The following MIPEP variants were observed in gnomAD, a reference collection of about 807,000 sequenced individuals.
The protein encoded by MIPEP is mitochondrial intermediate peptidase.
Under a neutral mutation model 90.3 loss-of-function variants are expected in MIPEP, and 79 were observed. The ratio of observed to expected loss-of-function variants is 0.87; its 90% confidence interval spans 0.73 to 1.05. MIPEP has a LOEUF of 1.05. MIPEP is among the 50% of genes least tolerant of loss of function. The pLI is 0.00. For synonymous variants in MIPEP, 334 were observed against 315.8 expected, an observed-to-expected ratio of 1.06 and a Z score of -0.61; for missense variants, 940 against 905.6, an observed-to-expected ratio of 1.04 and a Z score of -0.49.
At chr13:23,883,112 A>C (rs1469090826) in intron 2 of MIPEP, among the ~76,000 whole-genome samples, 1 of 152,070 alleles carries the variant, frequency 6.6e-6, no homozygotes, top group Non-Finnish European at 1.5e-5. Context: ...TTTTTAAGAT[A>C]TTAAAAATTC....
chr13:23,797,915 G>A (rs972333946), intron 16 of MIPEP, among the ~76,000 whole-genome samples: 1 of 152,066 alleles, frequency 6.6e-6, no homozygotes, highest in African/African-American at 2.4e-5. Flanking sequence ...GCTTAATAAC[G>A]AGATGTCTGA....
At chr13:23,864,293 C>T in intron 7 of MIPEP, 104 bp from the exon 8 acceptor site, 2 of 788,960 alleles carry the variant, frequency 2.5e-6, no homozygotes, top group Non-Finnish European at 4.0e-6. Context: ...CCACAATTCC[C>T]TTAAAGTGAT....
intron 16 of MIPEP, among the ~76,000 whole-genome samples, 170 bp downstream of exon 16, chr13:23,805,780 G>T (rs188220942): frequency 2.6e-5 from 4 of 152,236 alleles, no homozygotes; most frequent in Admixed American, 1.3e-4. Context: ...CATATAAATG[G>T]GTAGTTGGAA....
chr13:23,841,579 C>T (rs1186477361), intron 10 of MIPEP, 91 bp from the exon 11 acceptor site: 1 of 1,326,142 alleles, frequency 7.5e-7, no homozygotes, highest in African/African-American at 1.5e-5. Context: ...TACTTAAGAT[C>T]ACTGGAGCTA....
chr13:23,845,540 C>T (rs757989530), intron 10 of MIPEP, among the ~76,000 whole-genome samples: 10 of 152,174 alleles, frequency 6.6e-5, no homozygotes, highest in African/African-American at 1.7e-4. Context: ...TTTTAACTGA[C>T]GGTAAGCTGC....
In MIPEP at chr13:23,751,154, T is replaced by G. The variant is rs76015931; in HGVS notation, c.2044+5391A>C. 3.1e-3 allele frequency among the ~76,000 whole-genome samples: 475 copies of G among 152,334 alleles called. 18 individuals carry two copies. In the East Asian group the frequency reaches 0.082, roughly 26 times the overall value. The stretch of plus-strand genomic sequence containing the variant: ...AGATAGATATCTTCATTGTTTGCAT[T>G]AATCTTCTTGGAGCATGGAGGTGAT... On this transcript the variant is annotated intron_variant, in intron 18 of 18. Coordinates refer to ENST00000382172, the MANE Select transcript of MIPEP (RefSeq NM_005932.4).
chr13:23,791,103 T>A (rs1488857454), intron 16 of MIPEP, among the ~76,000 whole-genome samples: 1 of 152,168 alleles, frequency 6.6e-6, no homozygotes, highest in Non-Finnish European at 1.5e-5. Flanking sequence ...CAGAGCTCCC[T>A]CATGTGCTCA....
At chr13:23,878,084 G>A (rs933630181) in intron 4 of MIPEP, among the ~76,000 whole-genome samples, 2 of 152,190 alleles carry the variant, frequency 1.3e-5, no homozygotes, top group African/African-American at 4.8e-5. Flanking sequence ...ACAGGGGCAT[G>A]TCGATCTTCA....
At chr13:23,773,733 T>G (rs549115293) in intron 16 of MIPEP, among the ~76,000 whole-genome samples, 1 of 152,350 alleles carries the variant, frequency 6.6e-6, no homozygotes, top group East Asian at 1.9e-4. Flanking sequence ...TTTCATGTGC[T>G]AATTTGTCAT....
At chr13:23,871,830 T>C (rs749117171) in intron 5 of MIPEP, among the ~76,000 whole-genome samples, 2 of 152,116 alleles carry the variant, frequency 1.3e-5, no homozygotes, top group Non-Finnish European at 2.9e-5. Context: ...CACCACCTAA[T>C]GGTAACAAGT....
Position 23,751,265 on chromosome 13 carries a change from T to C in MIPEP, c.2044+5280A>G, listed in dbSNP as rs776942722. ...CTAGAAGAGATGATATAGGATAATA[T>C]GGCAAAAGCGAGTGTGTTTGGCAGA... On this transcript the variant is annotated intron_variant, in intron 18 of 18. Transcript: ENST00000382172. 7.0e-4 allele frequency among the ~76,000 whole-genome samples: 106 copies of C among 152,338 alleles called. No individual in the cohort carries two copies. In the Middle Eastern group the frequency reaches 0.01, roughly 15 times the overall value.
intron 13 of MIPEP, among the ~76,000 whole-genome samples, chr13:23,836,591 T>C (rs1186896168): frequency 6.6e-6 from 1 of 152,244 alleles, no homozygotes; most frequent in African/African-American, 2.4e-5. Flanking sequence ...AAACACCTTA[T>C]AAAGCCATGG....
At chr13:23,841,232 C>T in intron 11 of MIPEP, 103 bp downstream of exon 11, 1 of 1,022,328 alleles carries the variant, frequency 9.8e-7, no homozygotes, top group Non-Finnish European at 1.4e-6. Flanking sequence ...AGGGGACACA[C>T]TCAGTCAGGG....
chr13:23,862,279 T>G, intron 9 of MIPEP, 23 bp downstream of exon 9: 1 of 1,404,482 alleles, frequency 7.1e-7, no homozygotes, highest in African/African-American at 1.4e-5. Context: ...TATATTATAA[T>G]AAAAATATTC....
intron 16 of MIPEP, among the ~76,000 whole-genome samples, chr13:23,799,249 A>G (rs1159100762): frequency 6.6e-6 from 1 of 151,814 alleles, no homozygotes; most frequent in Non-Finnish European, 1.5e-5. Context: ...AGCTCAGGCA[A>G]TCCGCCCACC....
At chr13:23,819,701 T>C (rs1224609860) in intron 14 of MIPEP, among the ~76,000 whole-genome samples, 1 of 151,940 alleles carries the variant, frequency 6.6e-6, no homozygotes, top group Non-Finnish European at 1.5e-5. Context: ...TTCTCCACTT[T>C]TTATTAAAAA....
In MIPEP at chr13:23,817,641, C is replaced by T. The variant is rs565315554; in HGVS notation, c.1654-7717G>A. ...TTTGCCCTCAAAAGCATTAAAATTCCGATACCTGCATCACAAGAAGGTGGA... is the reference window on the plus strand; with the variant it reads ...TTTGCCCTCAAAAGCATTAAAATTCTGATACCTGCATCACAAGAAGGTGGA... On this transcript the variant is annotated intron_variant, in intron 14 of 18. Coordinates refer to ENST00000382172, the MANE Select transcript of MIPEP (RefSeq NM_005932.4). Among the ~76,000 whole-genome samples the T allele has an allele frequency of 3.7e-4, 57 of 152,190 alleles. No individual in the cohort carries two copies. In the South Asian group the frequency reaches 8.9e-3, roughly 24 times the overall value.
intron 14 of MIPEP, among the ~76,000 whole-genome samples, chr13:23,812,598 G>A (rs886862617): frequency 1.3e-5 from 2 of 151,938 alleles, no homozygotes; most frequent in Non-Finnish European, 2.9e-5. Context: ...GCAGTTGGTC[G>A]TGCCTCACTC....
intron 10 of MIPEP, among the ~76,000 whole-genome samples, chr13:23,855,963 CT>C (rs1870030576): frequency 1.3e-5 from 2 of 152,192 alleles, no homozygotes; most frequent in African/African-American, 4.8e-5. Flanking sequence ...ACATGGCATT[CT>C]CTTTCTAAAA....
Sources: allele counts gnomAD v4.1 joint callset (sites outside exome capture counted in the v4.1 genomes callset), GRCh38; gene constraint gnomAD v4.1.1; transcripts MANE v1.5; gene names NCBI Gene and HGNC (gene_info 2026-07-23, HGNC 2026-07-21).